The following ZNF584 variants were observed in gnomAD, a reference collection of about 807,000 sequenced individuals.
ZNF584 encodes zinc finger protein 584.
A neutral mutation model predicts 14.7 loss-of-function variants in ZNF584; 12 were observed. That is an observed-to-expected ratio of 0.82 (90% CI 0.52 to 1.32). The LOEUF is 1.32. Ranked by LOEUF, ZNF584 falls within the 40% of genes most tolerant of loss-of-function variation. The probability of loss-of-function intolerance (pLI) is 0.00; values close to 1 mark genes in which losing one functional copy is unlikely to be tolerated. For synonymous variants in ZNF584, 204 were observed against 190.9 expected (o/e 1.07, Z -0.57); for missense variants, 478 against 518.8 (o/e 0.92, Z 0.76).
In ZNF584 at chr19:58,409,141, C is replaced by T; in HGVS notation, c.-7C>T. On this transcript the variant is annotated 5_prime_UTR_variant, in exon 1 of 4. It adds an upstream start codon to the 5' untranslated region. Transcript: ENST00000306910. ...GTCCAGTCCACGGGTTCTGCCCGCACGGTCCAATGGCCGGGGAGGCGGAGG... is the reference window on the plus strand; with the variant it reads ...GTCCAGTCCACGGGTTCTGCCCGCATGGTCCAATGGCCGGGGAGGCGGAGG... 1.4e-6 allele frequency: 2 copies of T among 1,450,844 alleles called. No individual in the cohort carries two copies. The highest frequency in any genetic ancestry group is 1.8e-6 in the Non-Finnish European group (2 of 1,093,762). The allele number at this position is 1,450,844 out of a possible 1,614,324, so 89.9% of individuals were successfully genotyped here.
rs972202556 is a variant in ZNF584 at position 58,415,424 on chromosome 19, C to T, written c.170-100C>T. 5.4e-5 allele frequency: 78 copies of T among 1,445,454 alleles called. No individual in the cohort carries two copies. The Middle Eastern group carries it at 7.8e-4, about 14-fold the overall frequency. 89.5% of individuals were successfully genotyped at this position (1,445,454 alleles called of 1,614,324 possible). On this transcript the variant is annotated intron_variant, in intron 2 of 3. Transcript: ENST00000306910. ...TGTTGCCCAGGCTGGTTGCGAACGT[C>T]TGGGTTTAAGTGATCTCCTACCTCA...
In ZNF584 at chr19:58,409,880, C is replaced by T. The variant is rs570683105; in HGVS notation, c.19-61C>T. On this transcript the variant is annotated intron_variant, in intron 1 of 3. Coordinates refer to ENST00000306910, the MANE Select transcript of ZNF584 (RefSeq NM_173548.3). ...AGGACCCTGAGATACAGGTCAAGGG[C>T]CTGAATGTGTCCATCTGTCCATATT... The T allele has an allele frequency of 1.1e-4, 184 of 1,604,290 alleles. No homozygotes were observed. The African/African-American group carries it at 2.3e-3, about 20-fold the overall frequency.
rs1437234888 is a variant in ZNF584, at chr19:58,418,131, T to G, written c.*347T>G. 2 of 254,144 alleles carry G rather than the reference T, an allele frequency of 7.9e-6. No homozygotes were observed. The highest frequency in any genetic ancestry group is 4.4e-5 in the African/African-American group (2 of 45,342). The allele number at this position is 254,144 out of a possible 1,614,324, so 15.7% of individuals were successfully genotyped here. On this transcript the variant is annotated 3_prime_UTR_variant, in exon 4 of 4. Coordinates refer to ENST00000306910, the MANE Select transcript of ZNF584 (RefSeq NM_173548.3). The stretch of plus-strand genomic sequence containing the variant: ...ACAGGCCTCATTCCCTACCCTTGAC[T>G]GGTTTAGCTGTGGACATGACCCACC...
At chr19:58,402,599 G>C (rs2052438437) in intron 1 of ZNF584, among the ~76,000 whole-genome samples, 1 of 152,058 alleles carries the variant, frequency 6.6e-6, no homozygotes, top group South Asian at 2.1e-4. Flanking sequence ...GAGGTGGGCG[G>C]ATCACCTGAG....
upstream of ZNF584, chr19:58,407,038 A>G (rs4801583): frequency 0.55 from 83,700 of 152,414 alleles, 24,593 homozygotes; most frequent in African/African-American, 0.77. Flanking sequence ...ATGGCCAGAA[A>G]ACTGGAATTG....
chr19:58,415,115 G>T lies in ZNF584; in HGVS notation c.170-409G>T, dbSNP rs372838741. 9.2e-5 allele frequency among the ~76,000 whole-genome samples: 14 copies of T among 152,010 alleles called. No homozygotes were observed. In the South Asian group the frequency reaches 2.7e-3, roughly 29 times the overall value. On this transcript the variant is annotated intron_variant, in intron 2 of 3. Transcript: ENST00000306910. ...TCACCGTGTTAGCCAGGATAGTCTT[G>T]ATCTCCTGACCTCGTGATCCGCCCA...
At chr19:58,409,430 G>A (rs946277019) in intron 1 of ZNF584, among the ~76,000 whole-genome samples, 2 of 152,218 alleles carry the variant, frequency 1.3e-5, no homozygotes, top group Non-Finnish European at 2.9e-5. Context: ...TTGCCTATAG[G>A]GTAAACTGGG....
chr19:58,409,154 G>A lies in ZNF584; in HGVS notation c.7G>A (p.Gly3Arg). Residue 3 changes from glycine (G) to arginine (R), a missense_variant, in exon 1 of 4, where the codon GGG becomes AGG. This residue lies in a region of ZNF584 where 189 missense variants were observed against 177.9 expected (regional missense o/e 1.06). Coordinates refer to ENST00000306910, the MANE Select transcript of ZNF584 (RefSeq NM_173548.3). ...GTTCTGCCCGCACGGTCCAATGGCC[G>A]GGGAGGCGGAGGTGAGCAGAGGATG... Reference protein sequence around the residue: MAGEAEAQLDPSL... With the variant: MAREAEAQLDPSL... 6.9e-7 allele frequency: 1 copy of A among 1,446,338 alleles called. No individual in the cohort carries two copies. The highest frequency in any genetic ancestry group is 9.2e-7 in the Non-Finnish European group (1 of 1,092,434). The allele number at this position is 1,446,338 out of a possible 1,614,324, so 89.6% of individuals were successfully genotyped here. A position where few individuals can be genotyped will look rare whatever the true frequency, so the allele number is the denominator to read the frequency against.
In ZNF584 at chr19:58,417,863, C is replaced by T. The variant is rs77235242; in HGVS notation, c.*79C>T. 23,329 of 1,508,442 alleles carry T rather than the reference C, an allele frequency of 0.015. 246 individuals carry two copies. The highest frequency in any genetic ancestry group is 0.018 in the Non-Finnish European group (19,835 of 1,123,964). The allele number at this position is 1,508,442 out of a possible 1,614,324, so 93.4% of individuals were successfully genotyped here. On this transcript the variant is annotated 3_prime_UTR_variant, in exon 4 of 4. Transcript: ENST00000306910. ...CCGTGAGAGTGCCATCCGAAAGAAG[C>T]TAAACCTTGCACATCCCAACACCCA...
chr19:58,415,426 G>A, intron 2 of ZNF584, 98 bp from the exon 3 acceptor site: 1 of 1,456,046 alleles, frequency 6.9e-7, no homozygotes, highest in Admixed American at 2.0e-5. Flanking sequence ...GCGAACGTCT[G>A]GGTTTAAGTG....
At chr19:58,405,037 G>C (rs1229426093), upstream of ZNF584, 1 of 146,504 alleles carries the variant, frequency 6.8e-6, no homozygotes, top group Non-Finnish European at 1.5e-5. Flanking sequence ...CTGGCAGGGC[G>C]GGGGGCTGAC....
chr19:58,410,704 T>TGC lies in ZNF584; in HGVS notation c.169+614_169+615insCG, dbSNP rs1491133349. Among the ~76,000 whole-genome samples the TGC allele has an allele frequency of 7.1e-5, 4 of 56,356 alleles. 1 individual carries two copies. The highest frequency in any genetic ancestry group is 1.6e-4 in the Admixed American group (1 of 6,168). 37.0% of individuals were successfully genotyped at this position (56,356 alleles called of 152,430 possible). A position where few individuals can be genotyped will look rare whatever the true frequency, so the allele number is the denominator to read the frequency against. On this transcript the variant is annotated intron_variant, in intron 2 of 3. Transcript: ENST00000306910. Reference sequence around the variant, plus strand: ...ATATATGTATATATGTATATATATATGTATATATGTGTATATATATATGTA... The same window carrying TGC: ...ATATATGTATATATGTATATATATATGCGTATATATGTGTATATATATATGTA...
upstream of ZNF584, chr19:58,404,766 G>A (rs1043507436): frequency 3.4e-5 from 7 of 204,810 alleles, no homozygotes; most frequent in South Asian, 5.9e-5. Context: ...CCCAGATGGG[G>A]TGGTGGCCGG....
rs1156543028 is a variant in ZNF584 at position 58,410,518 on chromosome 19, AATATATATATATATATATATATAT to A, written c.169+444_169+467del. 1.7e-4 allele frequency among the ~76,000 whole-genome samples: 13 copies of A among 77,190 alleles called. No homozygotes were observed. In the East Asian group the frequency reaches 3.1e-3, roughly 18 times the overall value. The allele number at this position is 77,190 out of a possible 152,430, so 50.6% of individuals were successfully genotyped here. ...GAATTTTAATCAGAACGGTTTGGGA[AATATATATATATATATATATATAT>A]ATATATATATATATATGTGTATATA... On this transcript the variant is annotated intron_variant, in intron 2 of 3. Coordinates refer to ENST00000306910, the MANE Select transcript of ZNF584 (RefSeq NM_173548.3).
intron 3 of ZNF584, 99 bp downstream of exon 3, chr19:58,415,745 A>G (rs1263141597): frequency 1.2e-6 from 2 of 1,612,066 alleles, no homozygotes; most frequent in Admixed American, 1.7e-5. Flanking sequence ...GGCAGTGACC[A>G]TACCTTATTT....
chr19:58,409,339 C>T, intron 1 of ZNF584, 174 bp downstream of exon 1: 2 of 769,048 alleles, frequency 2.6e-6, no homozygotes, highest in Non-Finnish European at 3.7e-6. Context: ...TGCCGCAGGA[C>T]TGGGACAGGA....
intron 3 of ZNF584, chr19:58,416,262 G>A (rs529662390): frequency 4.3e-6 from 1 of 235,090 alleles, no homozygotes; most frequent in East Asian, 9.2e-5. Context: ...TTAAGATGGA[G>A]TTTTGCTCTT....
In ZNF584 at chr19:58,415,617, G is replaced by T. The variant is rs147624813; in HGVS notation, c.263G>T (p.Arg88Ile). The T allele has an allele frequency of 5.0e-6, 8 of 1,614,036 alleles. No individual in the cohort carries two copies. Among genetic ancestry groups the T allele is most frequent in the Non-Finnish European group, 8.5e-7 (1 of 1,180,024 alleles). The change falls in exon 3 of 4, where the codon AGA becomes ATA. Residue 88 changes from arginine to isoleucine, a missense_variant. By Grantham distance (97) the Arg-to-Ile change is moderately conservative (BLOSUM62 -3). Coordinates refer to ENST00000306910, the MANE Select transcript of ZNF584 (RefSeq NM_173548.3). ...TGGGTGGATGTGACTCCAGTCAGCA[G>T]AGCAGAAGCCAGGAGAGGTTTTGGT... Reference protein sequence around the residue: ...PSWVDVTPVSRAEARRGFGLD... With the variant: ...PSWVDVTPVSIAEARRGFGLD...
In ZNF584 at chr19:58,417,541, C is replaced by G. The variant is rs1568589927; in HGVS notation, c.1023C>G (p.Leu341=). ...AAGGCTACGTGACCCGTTCAGGCCT[C>G]TATCAGCACTGGAAAGTCCACACTG... ...CGKGYVTRSG[L]YQHWKVHTGE... The change falls in exon 4 of 4, where the codon CTC becomes CTG. Residue 341 remains leucine (L), a synonymous_variant. Transcript: ENST00000306910. The G allele has an allele frequency of 6.2e-7, 1 of 1,614,208 alleles. No homozygotes were observed. Among genetic ancestry groups the G allele is most frequent in the Non-Finnish European group, 8.5e-7 (1 of 1,180,030 alleles).
Sources: allele counts gnomAD v4.1 joint callset (sites outside exome capture counted in the v4.1 genomes callset), GRCh38; gene constraint gnomAD v4.1.1; regional missense constraint gnomAD v4.1.1; transcripts MANE v1.5; gene names NCBI Gene and HGNC (gene_info 2026-07-23, HGNC 2026-07-21).